The following RAD51B variants were observed in gnomAD, a reference collection of about 807,000 sequenced individuals.
The protein encoded by RAD51B is DNA repair protein RAD51 homolog 2.
A neutral mutation model predicts 42.2 loss-of-function variants in RAD51B; 38 were observed. That is an observed-to-expected ratio of 0.90 (90% CI 0.70 to 1.18). RAD51B has a LOEUF of 1.18. Among genes scored for constraint, RAD51B ranks in the 50% most tolerant of loss-of-function variants. RAD51B has a pLI of 0.00. For missense variants in RAD51B, 373 were observed against 400.7 expected, an observed-to-expected ratio of 0.93 and a Z score of 0.59; for synonymous variants, 154 against 145.2, an observed-to-expected ratio of 1.06 and a Z score of -0.43.
intron 10 of RAD51B, among the ~76,000 whole-genome samples, chr14:68,503,708 G>T (rs192066704): frequency 6.6e-6 from 1 of 152,170 alleles, no homozygotes; most frequent in African/African-American, 2.4e-5. Flanking sequence ...GGGCTAAGAA[G>T]ATGTTAGTAG....
intron 7 of RAD51B, among the ~76,000 whole-genome samples, chr14:68,115,066 A>G (rs1381099870): frequency 1.4e-5 from 2 of 142,394 alleles, no homozygotes; most frequent in African/African-American, 6.1e-5. Context: ...AATGACTATA[A>G]CTCATGCTGC....
intron 10 of RAD51B, among the ~76,000 whole-genome samples, chr14:68,566,127 T>G (rs1889406303): frequency 6.6e-6 from 1 of 152,234 alleles, no homozygotes. Flanking sequence ...CTCATCTTTC[T>G]CTGTACCTGC....
chr14:67,928,326 C>T (rs1466732264), intron 7 of RAD51B, among the ~76,000 whole-genome samples: 1 of 151,858 alleles, frequency 6.6e-6, no homozygotes, highest in Admixed American at 6.6e-5. Context: ...TTTTAAGGAG[C>T]GGAGAGTTTA....
chr14:68,025,156 G>A (rs552382614), intron 7 of RAD51B, among the ~76,000 whole-genome samples: 2 of 152,116 alleles, frequency 1.3e-5, no homozygotes, highest in South Asian at 2.1e-4. Flanking sequence ...TGATTGATTT[G>A]CATATGTTGA....
chr14:68,583,411 G>A (rs1177841781), intron 10 of RAD51B, among the ~76,000 whole-genome samples: 1 of 152,206 alleles, frequency 6.6e-6, no homozygotes, highest in African/African-American at 2.4e-5. Flanking sequence ...AGGGTACAAT[G>A]TAGACCAGCT....
intron 9 of RAD51B, among the ~76,000 whole-genome samples, chr14:68,428,707 TTATATATATA>T (rs532906803): frequency 1.3e-3 from 131 of 99,506 alleles, no homozygotes; most frequent in African/African-American, 1.7e-3. Context: ...AGGATTTTCT[TTATATATATA>T]TATATATATA....
chr14:68,462,579 CAG>C (rs927256894), intron 9 of RAD51B, among the ~76,000 whole-genome samples: 1 of 152,156 alleles, frequency 6.6e-6, no homozygotes, highest in Non-Finnish European at 1.5e-5. Context: ...TTAATCAAAA[CAG>C]AGTCTCACGA....
chr14:68,025,237 T>C (rs2075934090), intron 7 of RAD51B, among the ~76,000 whole-genome samples: 1 of 152,178 alleles, frequency 6.6e-6, no homozygotes, highest in Non-Finnish European at 1.5e-5. Context: ...GCTGCTGGAT[T>C]CAGTTTGCTA....
chr14:68,532,185 C>G (rs115816304), intron 10 of RAD51B, among the ~76,000 whole-genome samples: 211 of 152,038 alleles, frequency 1.4e-3, no homozygotes, highest in African/African-American at 4.9e-3. Context: ...GTGTTTAAAT[C>G]TAGAAGCAAG....
At chr14:67,828,397 C>A (rs1225880520) in intron 3 of RAD51B, among the ~76,000 whole-genome samples, 2 of 151,232 alleles carry the variant, frequency 1.3e-5, no homozygotes, top group Admixed American at 1.3e-4. Flanking sequence ...GGATATTAGA[C>A]CTTTGTCGGA....
chr14:67,964,503 A>G (rs2074729390), intron 7 of RAD51B, among the ~76,000 whole-genome samples: 1 of 152,104 alleles, frequency 6.6e-6, no homozygotes. Context: ...TGATTTCAAC[A>G]TGCCTACAGG....
intron 7 of RAD51B, among the ~76,000 whole-genome samples, chr14:68,005,329 G>A (rs1218284821): frequency 6.6e-6 from 1 of 152,104 alleles, no homozygotes; most frequent in African/African-American, 2.4e-5. Context: ...TGGGATTACA[G>A]GCGTGAGCCA....
chr14:68,670,466 A>G (rs534095407), intron 11 of RAD51B, among the ~76,000 whole-genome samples: 1 of 152,334 alleles, frequency 6.6e-6, no homozygotes, highest in East Asian at 1.9e-4. Context: ...TGGTCTCATG[A>G]ATCCAAGGAG....
intron 7 of RAD51B, among the ~76,000 whole-genome samples, chr14:68,225,526 C>T (rs1394982052): frequency 6.6e-6 from 1 of 152,164 alleles, no homozygotes; most frequent in East Asian, 1.9e-4. Flanking sequence ...AACTATTCTG[C>T]AGAAACCATG....
At chr14:68,094,836 A>G (rs1163291986) in intron 7 of RAD51B, among the ~76,000 whole-genome samples, 1 of 152,222 alleles carries the variant, frequency 6.6e-6, no homozygotes, top group Non-Finnish European at 1.5e-5. Flanking sequence ...AATCATGAGT[A>G]AGATGCCTAT....
At chr14:68,119,204 C>T (rs185341529) in intron 7 of RAD51B, among the ~76,000 whole-genome samples, 185 of 150,696 alleles carry the variant, frequency 1.2e-3, no homozygotes, top group Middle Eastern at 6.9e-3. Flanking sequence ...CTAATTTTTC[C>T]GATTTTTTTG....
intron 7 of RAD51B, among the ~76,000 whole-genome samples, chr14:68,177,862 T>A (rs1241118273): frequency 1.3e-5 from 2 of 152,144 alleles, no homozygotes; most frequent in East Asian, 3.9e-4. Flanking sequence ...CTAAGCATAC[T>A]TTAAAGAAAG....
chr14:68,406,036 CT>C (rs1309089086), intron 8 of RAD51B, among the ~76,000 whole-genome samples: 6 of 152,116 alleles, frequency 3.9e-5, no homozygotes, highest in Non-Finnish European at 8.8e-5. Context: ...GGATGTAAAT[CT>C]GCTGCCAAAA....
At chr14:68,344,158 C>T (rs560280878) in intron 8 of RAD51B, among the ~76,000 whole-genome samples, 4 of 152,324 alleles carry the variant, frequency 2.6e-5, no homozygotes, top group Admixed American at 1.3e-4. Context: ...GGCCACCACC[C>T]GCCACGTCCC....
Sources: gnomAD v4.1 joint callset for allele counts (sites outside exome capture counted in the v4.1 genomes callset) on GRCh38, gnomAD v4.1.1 for gene constraint, MANE v1.5 for transcripts, NCBI Gene and HGNC (gene_info 2026-07-23, HGNC 2026-07-21) for gene names.